Variants in BCL2L11 observed in about 807,000 individuals in gnomAD.
BCL2L11 encodes the protein bcl-2-like protein 11.
A neutral mutation model predicts 20.6 loss-of-function variants in BCL2L11; 15 were observed. The observed-to-expected ratio is 0.73, with a 90% CI of 0.49 to 1.12. BCL2L11 has a LOEUF of 1.12. Among genes scored for constraint, BCL2L11 ranks in the 50% most tolerant of loss-of-function variants. The pLI is 0.00. For missense variants in BCL2L11, 292 were observed against 260.9 expected, an observed-to-expected ratio of 1.12 and a Z score of -0.82; for synonymous variants, 108 against 92.8, an observed-to-expected ratio of 1.16 and a Z score of -0.94.
chr2:111,123,114 A>G (rs896708620), intron 1 of BCL2L11: 2 of 980,944 alleles, frequency 2.0e-6, no homozygotes, highest in Non-Finnish European at 2.4e-6. Context: ...GTTCTGTCTG[A>G]TTCGGTGCGG....
chr2:111,166,671 G>C lies in BCL2L11; in HGVS notation c.*2440G>C, dbSNP rs145582217. On this transcript the variant is annotated 3_prime_UTR_variant, in exon 4 of 4. Coordinates refer to ENST00000393256, the MANE Select transcript of BCL2L11 (RefSeq NM_138621.5). ...ATGTGAGGTTTGTAAAAAGTGTCCT[G>C]TGACTTAACACAGAAACGCAATAAA... 1.3e-5 allele frequency: 2 copies of C among 152,624 alleles called. No individual in the cohort carries two copies. 9.5% of individuals were successfully genotyped at this position (152,624 alleles called of 1,614,324 possible).
chr2:111,164,557 AGGTTTTTC>A lies in BCL2L11; in HGVS notation c.*327_*334del. ...TGTGTTTTCCCCCTCACCTTCAATAAGGTTTTTCAAAAAGGAAATGGAAACTTTTTAAC... is the reference window on the plus strand; with the variant it reads ...TGTGTTTTCCCCCTCACCTTCAATAAAAAAAGGAAATGGAAACTTTTTAAC... On this transcript the variant is annotated 3_prime_UTR_variant, in exon 4 of 4. Transcript: ENST00000393256. 1 of 195,516 alleles carries A rather than the reference AGGTTTTTC, an allele frequency of 5.1e-6. No individual in the cohort carries two copies. Among genetic ancestry groups the A allele is most frequent in the African/African-American group, 2.3e-5 (1 of 43,422 alleles). The allele number at this position is 195,516 out of a possible 1,614,324, so 12.1% of individuals were successfully genotyped here.
At chr2:111,158,555 A>G (rs951982857) in intron 3 of BCL2L11, among the ~76,000 whole-genome samples, 2 of 150,780 alleles carry the variant, frequency 1.3e-5, no homozygotes, top group African/African-American at 4.9e-5. Flanking sequence ...AATTTATAGT[A>G]TATATATAAA....
At chr2:111,124,718 C>G (rs2072134417) in intron 2 of BCL2L11, among the ~76,000 whole-genome samples, 1 of 152,134 alleles carries the variant, frequency 6.6e-6, no homozygotes, top group Non-Finnish European at 1.5e-5. Flanking sequence ...ATAGTAATGA[C>G]ATTTTGCTTG....
chr2:111,167,854 CA>C lies in BCL2L11; in HGVS notation c.*3624del, dbSNP rs1273462929. The C allele has an allele frequency of 1.3e-5, 2 of 152,832 alleles. No individual in the cohort carries two copies. Among genetic ancestry groups the C allele is most frequent in the South Asian group, 2.1e-4 (1 of 4,828 alleles). The allele number at this position is 152,832 out of a possible 1,614,324, so 9.5% of individuals were successfully genotyped here. A position where few individuals can be genotyped will look rare whatever the true frequency, so the allele number is the denominator to read the frequency against. ...GGTCGATGCCCTCCTTCTGATACTC[CA>C]TCTCCTTCAGGGGAGGTTGGGGCCC... On this transcript the variant is annotated 3_prime_UTR_variant, in exon 4 of 4. Coordinates refer to ENST00000393256, the MANE Select transcript of BCL2L11 (RefSeq NM_138621.5).
At chr2:111,129,908 TC>T (rs2073550854) in intron 2 of BCL2L11, among the ~76,000 whole-genome samples, 1 of 152,242 alleles carries the variant, frequency 6.6e-6, no homozygotes, top group South Asian at 2.1e-4. Context: ...TTAGCATAAT[TC>T]CCTTGAAATT....
At chr2:111,121,363 G>C (rs998197470) in intron 1 of BCL2L11, among the ~76,000 whole-genome samples, 175 bp downstream of exon 1, 2 of 152,088 alleles carry the variant, frequency 1.3e-5, no homozygotes, top group Non-Finnish European at 2.9e-5. Flanking sequence ...GTTCCCTCTC[G>C]GGCAGGTTCT....
At chr2:111,144,595 T>C (rs979774619) in intron 2 of BCL2L11, 1 of 1,444,194 alleles carries the variant, frequency 6.9e-7, no homozygotes, top group African/African-American at 1.4e-5. Flanking sequence ...TAACTCTGAA[T>C]TTAGAAAGAT....
At chr2:111,128,968 G>C (rs2073298459) in intron 2 of BCL2L11, 1 of 651,402 alleles carries the variant, frequency 1.5e-6, no homozygotes, top group South Asian at 2.5e-5. Flanking sequence ...AGTGTGCAGT[G>C]CTGCTCTAGC....
intron 2 of BCL2L11, among the ~76,000 whole-genome samples, chr2:111,145,171 G>C (rs1035494775): frequency 6.6e-6 from 1 of 152,212 alleles, no homozygotes; most frequent in African/African-American, 2.4e-5. Context: ...TGAAATTCCA[G>C]TAATGATAAG....
intron 3 of BCL2L11, among the ~76,000 whole-genome samples, chr2:111,160,835 A>G (rs1225443735): frequency 2.0e-5 from 3 of 152,206 alleles, no homozygotes; most frequent in Non-Finnish European, 4.4e-5. Context: ...GAGTTACCCA[A>G]CTCTGTAAGA....
chr2:111,131,213 C>T (rs1213390800), intron 2 of BCL2L11: 8 of 2,888 alleles, frequency 2.8e-3, no homozygotes, highest in African/African-American at 8.0e-3. Context: ...TTTTTTTTGG[C>T]GGGGGATGGG....
At chr2:111,150,203 A>AT (rs1559071044) in intron 3 of BCL2L11, 56 bp downstream of exon 3, 4 of 1,576,960 alleles carry the variant, frequency 2.5e-6, no homozygotes, top group East Asian at 2.3e-5. Flanking sequence ...TCCACACTAT[A>AT]TTTTTTTAAA....
At chr2:111,128,746 TCATGATAC>T in intron 2 of BCL2L11, 1 of 1,547,970 alleles carries the variant, frequency 6.5e-7, no homozygotes, top group South Asian at 1.2e-5. Context: ...CAAGGATTTC[TCATGATAC>T]CTTTTTATAG....
intron 2 of BCL2L11, among the ~76,000 whole-genome samples, chr2:111,143,559 G>A (rs1220255866): frequency 1.3e-5 from 2 of 152,216 alleles, no homozygotes; most frequent in South Asian, 2.1e-4. Flanking sequence ...GAATAGCATC[G>A]TAGCACTCAG....
At chr2:111,122,616 G>A in intron 1 of BCL2L11, 5 of 984,574 alleles carry the variant, frequency 5.1e-6, no homozygotes, top group Non-Finnish European at 6.0e-6. Flanking sequence ...GGCGGCGGCG[G>A]GCGCAGAGCG....
At position 111,167,663 on chromosome 2, in the gene BCL2L11, A is replaced by G. The variant is rs2079087036; in HGVS notation, c.*3432A>G. 6.6e-6 allele frequency: 1 copy of G among 152,278 alleles called. No homozygotes were observed. The highest frequency in any genetic ancestry group is 2.4e-5 in the African/African-American group (1 of 41,468). The allele number at this position is 152,278 out of a possible 1,614,324, so 9.4% of individuals were successfully genotyped here. On this transcript the variant is annotated 3_prime_UTR_variant, in exon 4 of 4. Coordinates refer to ENST00000393256, the MANE Select transcript of BCL2L11 (RefSeq NM_138621.5). The stretch of plus-strand genomic sequence containing the variant: ...TCCTGCCTAAGGACCACCTCAGGCC[A>G]CTAACCCCTTGTGGACAACTGTGAG...
At chr2:111,125,648 A>G (rs1195965683) in intron 2 of BCL2L11, among the ~76,000 whole-genome samples, 2 of 152,178 alleles carry the variant, frequency 1.3e-5, no homozygotes, top group Non-Finnish European at 2.9e-5. Flanking sequence ...ATAGAATTGG[A>G]AAGAACCTCA....
chr2:111,150,293 C>G, intron 3 of BCL2L11, 146 bp downstream of exon 3: 1 of 1,456,666 alleles, frequency 6.9e-7, no homozygotes, highest in South Asian at 1.2e-5. Context: ...ATTGTTTCTC[C>G]TTTCCCATTT....
Sources: gnomAD v4.1 joint callset for allele counts (sites outside exome capture counted in the v4.1 genomes callset) on GRCh38, gnomAD v4.1.1 for gene constraint, MANE v1.5 for transcripts, NCBI Gene and HGNC (gene_info 2026-07-23, HGNC 2026-07-21) for gene names.